The following SDAD1 variants were observed in gnomAD, a reference collection of about 807,000 sequenced individuals.
The protein encoded by SDAD1 is protein SDA1 homolog.
Under a neutral mutation model 100.3 loss-of-function variants are expected in SDAD1, and 79 were observed. The ratio of observed to expected loss-of-function variants is 0.79; its 90% CI spans 0.66 to 0.95. The LOEUF is 0.95. Among genes scored for constraint, SDAD1 ranks in the 40% least tolerant of loss-of-function variants. The pLI is 0.00. For synonymous variants in SDAD1, 267 were observed against 271.4 expected, an observed-to-expected ratio of 0.98 and a Z score of 0.16; for missense variants, 790 against 810.9, an observed-to-expected ratio of 0.97 and a Z score of 0.31.
intron 13 of SDAD1, among the ~76,000 whole-genome samples, chr4:75,965,210 G>A (rs927373806): frequency 6.6e-6 from 1 of 152,200 alleles, no homozygotes; most frequent in African/African-American, 2.4e-5. Flanking sequence ...TTTTAAGGTT[G>A]TAGATAAGGG....
Position 75,957,332 on chromosome 4 carries a change from G to T in SDAD1, c.1847C>A (p.Thr616Asn). The T allele has an allele frequency of 6.2e-7, 1 of 1,613,620 alleles. No individual in the cohort carries two copies. The highest frequency in any genetic ancestry group is 1.3e-5 in the African/African-American group (1 of 75,026). Residue 616 changes from threonine (T) to asparagine (N), a missense_variant, in exon 20 of 22, where the codon ACT becomes AAT. Physicochemically the swap from Thr to Asn is moderately conservative, Grantham distance 65. Transcript: ENST00000356260. ...PKSDKETRLATAMAGKTDRKE... is the reference protein window; with the variant it reads ...PKSDKETRLANAMAGKTDRKE... ...AATGATATGCTCACTCACCATTGCA[G>T]TTGCTAGTCTTGTCTCTTTGTCAGA...
intron 14 of SDAD1, among the ~76,000 whole-genome samples, chr4:75,962,604 G>A (rs1729308952): frequency 1.3e-5 from 2 of 152,232 alleles, no homozygotes; most frequent in African/African-American, 4.8e-5. Context: ...ACTGGTATGA[G>A]ATGGTATCTC....
At chr4:75,963,760 C>A (rs1729383352) in intron 14 of SDAD1, among the ~76,000 whole-genome samples, 1 of 152,148 alleles carries the variant, frequency 6.6e-6, no homozygotes, top group African/African-American at 2.4e-5. Context: ...AGGTGCCAGA[C>A]AGACACCAAT....
chr4:75,966,840 G>A (rs566337895), intron 12 of SDAD1, among the ~76,000 whole-genome samples: 1 of 152,268 alleles, frequency 6.6e-6, no homozygotes, highest in East Asian at 1.9e-4. Flanking sequence ...CACAATCTCG[G>A]CTCACAGCAA....
At position 75,960,197 on chromosome 4, in the gene SDAD1, A is replaced by G; in HGVS notation, c.1357-5T>C. The G allele has an allele frequency of 6.4e-7, 1 of 1,563,394 alleles. No homozygotes were observed. The highest frequency in any genetic ancestry group is 8.6e-7 in the Non-Finnish European group (1 of 1,161,720). On this transcript the variant is annotated splice_polypyrimidine_tract_variant and splice_region_variant and intron_variant, in intron 16 of 21. Transcript: ENST00000356260. ...GGAGGCCTCTGTAGGCTTACCCTAA[A>G]GGAAAAGAAATTGTTTGTAATAAGT...
chr4:75,975,105 A>G (rs1730086376), intron 6 of SDAD1, among the ~76,000 whole-genome samples: 1 of 151,984 alleles, frequency 6.6e-6, no homozygotes, highest in African/African-American at 2.4e-5. Context: ...AATTTCAACC[A>G]TATTTAAAAA....
At chr4:75,978,982 G>GAAAAAAAAA (rs538009004) in intron 3 of SDAD1, among the ~76,000 whole-genome samples, 403 of 38,048 alleles carry the variant, frequency 0.011, 50 homozygotes, top group East Asian at 0.052. Context: ...CCCTGTCTCA[G>GAAAAAAAAA]AAAAAAAAAA....
chr4:75,959,118 A>AAAAAC (rs1729083618), intron 17 of SDAD1, among the ~76,000 whole-genome samples: 1 of 148,806 alleles, frequency 6.7e-6, no homozygotes, highest in Non-Finnish European at 1.5e-5. Context: ...AAAAAAAAAA[A>AAAAAC]AAAAAAAAAA....
At chr4:75,975,647 GAGCTCA>G in intron 6 of SDAD1, 91 bp downstream of exon 6, 1 of 769,256 alleles carries the variant, frequency 1.3e-6, no homozygotes, top group Non-Finnish European at 2.1e-6. Flanking sequence ...GTATATTAAA[GAGCTCA>G]AGCTCAAGAA....
rs1728576107 is a variant in SDAD1, at chr4:75,950,560, A to ATTTAC, written c.*185_*189dup. 2 of 478,496 alleles carry ATTTAC rather than the reference A, an allele frequency of 4.2e-6. No homozygotes were observed. Among genetic ancestry groups the ATTTAC allele is most frequent in the Non-Finnish European group, 3.9e-6 (1 of 257,524 alleles). The allele number at this position is 478,496 out of a possible 1,614,324, so 29.6% of individuals were successfully genotyped here. On this transcript the variant is annotated 3_prime_UTR_variant, in exon 22 of 22. Coordinates refer to ENST00000356260, the MANE Select transcript of SDAD1 (RefSeq NM_018115.4). ...GAAATGATTTTACATTACCACCACT[A>ATTTAC]TTTACATTAACATTCCTACCATTAG...
chr4:75,982,641 T>C (rs1310367583), intron 1 of SDAD1, among the ~76,000 whole-genome samples: 3 of 152,020 alleles, frequency 2.0e-5, no homozygotes, highest in Non-Finnish European at 4.4e-5. Context: ...ACGGAGGCCC[T>C]GTCTCACAAA....
chr4:75,981,070 AG>A (rs1181990765), intron 3 of SDAD1: 7 of 249,772 alleles, frequency 2.8e-5, no homozygotes, highest in African/African-American at 1.6e-4. Flanking sequence ...AAAAGGTTAA[AG>A]AGCATCCTGT....
At chr4:75,987,292 C>A (rs1730958904) in intron 1 of SDAD1, among the ~76,000 whole-genome samples, 1 of 152,120 alleles carries the variant, frequency 6.6e-6, no homozygotes, top group African/African-American at 2.4e-5. Context: ...TTTCCTATAC[C>A]CCTTACCCTC....
intron 1 of SDAD1, among the ~76,000 whole-genome samples, chr4:75,982,785 C>T (rs974020080): frequency 6.6e-6 from 1 of 151,784 alleles, no homozygotes; most frequent in Admixed American, 6.6e-5. Context: ...ATCCCACCCC[C>T]CCACTGCCAC....
chr4:75,981,249 G>T, intron 3 of SDAD1, 123 bp downstream of exon 3: 1 of 887,700 alleles, frequency 1.1e-6, no homozygotes, highest in Non-Finnish European at 1.7e-6. Context: ...TTTAGGAAAG[G>T]ATAATACATT....
chr4:75,971,560 A>G (rs1578133308), intron 8 of SDAD1, 102 bp from the exon 9 acceptor site: 2 of 829,074 alleles, frequency 2.4e-6, no homozygotes, highest in East Asian at 4.9e-5. Flanking sequence ...CTCTTTGCAC[A>G]CAGCTATTAA....
At chr4:75,965,669 T>C (rs575109029) in intron 13 of SDAD1, 95 bp downstream of exon 13, 96 of 945,888 alleles carry the variant, frequency 1.0e-4, no homozygotes, top group Admixed American at 3.8e-4. Flanking sequence ...CACGTTGAAT[T>C]ATCGGGGGCA....
chr4:75,972,218 G>A (rs1373865336), intron 8 of SDAD1, among the ~76,000 whole-genome samples: 1 of 152,064 alleles, frequency 6.6e-6, no homozygotes, highest in Non-Finnish European at 1.5e-5. Flanking sequence ...GATTACAGGT[G>A]TGAGCCATTG....
intron 1 of SDAD1, among the ~76,000 whole-genome samples, chr4:75,987,179 A>G (rs1415777177): frequency 1.3e-5 from 2 of 152,196 alleles, no homozygotes; most frequent in African/African-American, 4.8e-5. Flanking sequence ...CATAAAATTT[A>G]CCCTTTGAAA....
Sources: allele counts gnomAD v4.1 joint callset (sites outside exome capture counted in the v4.1 genomes callset), GRCh38; gene constraint gnomAD v4.1.1; transcripts MANE v1.5; gene names NCBI Gene and HGNC (gene_info 2026-07-23, HGNC 2026-07-21).